STK3: variants seen among roughly 807,000 people sequenced by gnomAD.
STK3 encodes serine/threonine kinase 3, also known as serine/threonine-protein kinase 3.
In STK3, 41 loss-of-function variants were observed where a neutral mutation model predicts 58.0. The ratio of observed to expected loss-of-function variants is 0.71; its 90% CI spans 0.55 to 0.92. STK3 has a LOEUF of 0.92. STK3 is among the 40% of genes least tolerant of loss of function. The probability of loss-of-function intolerance (pLI) is 0.00; values close to 1 mark genes in which losing one functional copy is unlikely to be tolerated. For synonymous variants in STK3, 170 were observed against 191.0 expected (o/e 0.89, Z 0.91); for missense variants, 479 against 602.7 (o/e 0.79, Z 2.15).
At chr8:98,809,774 G>A (rs1206442706) in intron 1 of STK3, among the ~76,000 whole-genome samples, 1 of 152,134 alleles carries the variant, frequency 6.6e-6, no homozygotes, top group African/African-American at 2.4e-5. Context: ...CCTTTGGGCT[G>A]TTGTACATAA....
Position 98,872,326 on chromosome 8 carries a change from A to T in STK3, c.110+11321T>A, listed in dbSNP as rs959847814. Among the ~76,000 whole-genome samples the T allele has an allele frequency of 7.9e-5, 12 of 152,190 alleles. 1 individual carries two copies. In the East Asian group the frequency reaches 2.3e-3, roughly 29 times the overall value. On this transcript the variant is annotated intron_variant, in intron 3 of 12. Transcript: ENST00000523601. ...TCTCTTTTTTTGTTGTGTCTCTGCC[A>T]GGCTTTGGTATCAGGATGATGTTGG...
downstream of STK3, among the ~76,000 whole-genome samples, chr8:98,400,867 G>T (rs1293816518): frequency 6.6e-6 from 1 of 152,036 alleles, no homozygotes; most frequent in Non-Finnish European, 1.5e-5. Context: ...GAAATGTCCT[G>T]TGGCAGACTG....
intron 3 of STK3, among the ~76,000 whole-genome samples, chr8:98,848,707 T>A (rs537706471): frequency 6.6e-6 from 1 of 152,360 alleles, no homozygotes; most frequent in Admixed American, 6.5e-5. Context: ...CTGGATAATA[T>A]TCCTTTGTGT....
chr8:98,403,821 C>G (rs1817967683), intron 3 of STK3, among the ~76,000 whole-genome samples: 1 of 152,262 alleles, frequency 6.6e-6, no homozygotes, highest in African/African-American at 2.4e-5. Flanking sequence ...CTCCAGTGCT[C>G]TGGTAAGTGC....
intron 7 of STK3, among the ~76,000 whole-genome samples, chr8:98,592,732 AC>A (rs1221502117): frequency 1.6e-4 from 20 of 128,562 alleles, no homozygotes; most frequent in African/African-American, 5.4e-4. Flanking sequence ...TCACTGACTT[AC>A]TTTATTTATT....
chr8:98,840,707 C>T (rs1320124194), intron 3 of STK3, among the ~76,000 whole-genome samples: 1 of 148,120 alleles, frequency 6.8e-6, no homozygotes, highest in Admixed American at 6.8e-5. Context: ...TGCCTATTGC[C>T]GAATATCAAA....
At position 98,554,567 on chromosome 8, in the gene STK3, T is replaced by C. The variant is rs529505263; in HGVS notation, c.949-6406A>G. On this transcript the variant is annotated intron_variant, in intron 8 of 10. Coordinates refer to ENST00000419617, the MANE Select transcript of STK3 (RefSeq NM_006281.4). ...TGGAAGGGATTGATCTTACTGCATATTATTTTTACTTACGTAGTCAATTTG... is the reference window on the plus strand; with the variant it reads ...TGGAAGGGATTGATCTTACTGCATACTATTTTTACTTACGTAGTCAATTTG... Among the ~76,000 whole-genome samples the C allele has an allele frequency of 6.6e-5, 10 of 152,276 alleles. No homozygotes were observed. The East Asian group carries it at 1.9e-3, about 29-fold the overall frequency.
At chr8:98,699,391 T>A (rs1333453746) in intron 6 of STK3, among the ~76,000 whole-genome samples, 1 of 152,242 alleles carries the variant, frequency 6.6e-6, no homozygotes, top group Non-Finnish European at 1.5e-5. Context: ...CCAGCTTTGT[T>A]CCATTGCTGG....
chr8:98,676,873 T>A (rs982456530), intron 6 of STK3, among the ~76,000 whole-genome samples: 5 of 152,198 alleles, frequency 3.3e-5, no homozygotes, highest in Admixed American at 1.3e-4. Context: ...CAGATCAGAA[T>A]ATAGTTGCTC....
chr8:98,912,301 C>T (rs1349804653), intron 1 of STK3, among the ~76,000 whole-genome samples: 2 of 152,020 alleles, frequency 1.3e-5, no homozygotes, highest in Non-Finnish European at 1.5e-5. Context: ...TTGCTTGATC[C>T]CGGGAGGAGG....
intron 1 of STK3, among the ~76,000 whole-genome samples, chr8:98,939,586 G>A (rs565279038): frequency 6.6e-6 from 1 of 152,218 alleles, no homozygotes; most frequent in Non-Finnish European, 1.5e-5. Context: ...GTCTGGAGAC[G>A]GGAGGGTAGC....
At chr8:98,838,929 C>A (rs905492100) in intron 3 of STK3, among the ~76,000 whole-genome samples, 2 of 151,872 alleles carry the variant, frequency 1.3e-5, no homozygotes, top group Non-Finnish European at 2.9e-5. Flanking sequence ...AAGACCTTTC[C>A]CCCAACACAC....
intron 6 of STK3, among the ~76,000 whole-genome samples, chr8:98,693,968 A>G (rs1587317756): frequency 6.6e-6 from 1 of 152,302 alleles, no homozygotes; most frequent in Non-Finnish European, 1.5e-5. Flanking sequence ...ACATAACCAC[A>G]TTTTTTGTCT....
chr8:98,536,990 C>G (rs993009538), intron 9 of STK3, among the ~76,000 whole-genome samples: 1 of 152,128 alleles, frequency 6.6e-6, no homozygotes, highest in Non-Finnish European at 1.5e-5. Context: ...GGCAAAATGC[C>G]TTTTGGCTTC....
intron 1 of STK3, chr8:98,782,451 C>A: frequency 1.1e-5 from 3 of 262,780 alleles, no homozygotes; most frequent in South Asian, 1.0e-4. Flanking sequence ...CAGGTGGATT[C>A]TCATGGAACA....
intron 6 of STK3, among the ~76,000 whole-genome samples, chr8:98,668,512 A>C (rs1409623356): frequency 1.3e-5 from 2 of 152,200 alleles, no homozygotes; most frequent in Non-Finnish European, 2.9e-5. Flanking sequence ...TTTTCAAAAA[A>C]GCTTAAAGTT....
intron 4 of STK3, among the ~76,000 whole-genome samples, chr8:98,742,135 C>T (rs1346032850): frequency 2.6e-5 from 4 of 151,728 alleles, no homozygotes; most frequent in Non-Finnish European, 2.9e-5. Flanking sequence ...GATTCACAGC[C>T]GAATTCTACC....
chr8:98,363,722 C>T, the STK3 span, among the ~76,000 whole-genome samples: 2 of 152,244 alleles, frequency 1.3e-5, no homozygotes, highest in African/African-American at 2.4e-5. Flanking sequence ...GAGTGACATT[C>T]ACCTCTTTGA....
chr8:98,897,024 A>G (rs1341103025), intron 1 of STK3, among the ~76,000 whole-genome samples: 1 of 151,314 alleles, frequency 6.6e-6, no homozygotes, highest in African/African-American at 2.4e-5. Flanking sequence ...AGAAAGAGAA[A>G]GAGAAAGAAA....
Sources: allele counts gnomAD v4.1 joint callset (sites outside exome capture counted in the v4.1 genomes callset), GRCh38; gene constraint gnomAD v4.1.1; transcripts MANE v1.5; gene names NCBI Gene and HGNC (gene_info 2026-07-23, HGNC 2026-07-21).